TBC1D1: variants seen among roughly 807,000 people sequenced by gnomAD.
The protein encoded by TBC1D1 is TBC1 (tre-2/USP6, BUB2, cdc16) domain family, member 1.
A neutral mutation model predicts 125.6 loss-of-function variants in TBC1D1; 89 were observed. The observed-to-expected ratio is 0.71, with a 90% CI of 0.60 to 0.85. The LOEUF (loss-of-function observed/expected upper bound fraction) is 0.85, where lower values mean the gene tolerates loss of function less well. Ranked by LOEUF, TBC1D1 falls within the 40% of genes least tolerant of loss-of-function variation. The pLI, the probability that TBC1D1 is intolerant of heterozygous loss-of-function variation, is 0.00. For missense variants in TBC1D1, 1,377 were observed against 1,469.2 expected (o/e 0.94, Z 1.03); for synonymous variants, 565 against 564.1 (o/e 1.00, Z -0.02).
chr4:38,119,040 A>T (rs979094075), intron 17 of TBC1D1, among the ~76,000 whole-genome samples: 1 of 152,202 alleles, frequency 6.6e-6, no homozygotes, highest in Non-Finnish European at 1.5e-5. Flanking sequence ...TTGACAATTC[A>T]GGTTCTTTTT....
At chr4:37,978,592 G>C (rs1017292066) in intron 2 of TBC1D1, among the ~76,000 whole-genome samples, 1 of 152,192 alleles carries the variant, frequency 6.6e-6, no homozygotes, top group South Asian at 2.1e-4. Flanking sequence ...ATACAAAATT[G>C]GAGACACAGA....
chr4:37,993,502 A>C (rs755993734), intron 2 of TBC1D1, among the ~76,000 whole-genome samples: 1 of 152,218 alleles, frequency 6.6e-6, no homozygotes, highest in Non-Finnish European at 1.5e-5. Flanking sequence ...TGAGTGGATC[A>C]AAGTTCAGTT....
chr4:38,065,336 G>A (rs901994326), intron 12 of TBC1D1, among the ~76,000 whole-genome samples: 2 of 152,090 alleles, frequency 1.3e-5, no homozygotes, highest in African/African-American at 2.4e-5. Flanking sequence ...ACTGGGTTAC[G>A]CCCCCAAATG....
At chr4:38,044,553 T>C in intron 9 of TBC1D1, 63 bp downstream of exon 9, 1 of 1,494,552 alleles carries the variant, frequency 6.7e-7, no homozygotes, top group Non-Finnish European at 9.0e-7. Flanking sequence ...TAAGATTGAG[T>C]TCTATGCTTT....
intron 2 of TBC1D1, among the ~76,000 whole-genome samples, chr4:37,919,346 T>G (rs2996045): frequency 0.4 from 60,842 of 150,250 alleles, 13,260 homozygotes; most frequent in African/African-American, 0.55. Context: ...TTTTGTTTTT[T>G]TTTTTTTTTG....
Position 38,045,874 on chromosome 4 carries a change from C to T in TBC1D1, c.1600C>T (p.Leu534=), listed in dbSNP as rs970166434. Residue 534 remains leucine, a synonymous_variant, in exon 10 of 20, where the codon CTG becomes TTG. Coordinates refer to ENST00000261439, the MANE Select transcript of TBC1D1 (RefSeq NM_015173.4). ...CATCAGTGTGGATCTGGATAGCTCCCTGTCTAGTACATTAAGTAACACCAG... is the reference window on the plus strand; with the variant it reads ...CATCAGTGTGGATCTGGATAGCTCCTTGTCTAGTACATTAAGTAACACCAG... 18 of 1,614,116 alleles carry T rather than the reference C, an allele frequency of 1.1e-5. No homozygotes were observed. The highest frequency in any genetic ancestry group is 1.5e-5 in the Non-Finnish European group (18 of 1,179,986).
intron 2 of TBC1D1, among the ~76,000 whole-genome samples, chr4:37,957,811 T>G (rs1466433529): frequency 1.3e-5 from 2 of 152,204 alleles, no homozygotes; most frequent in Non-Finnish European, 2.9e-5. Context: ...TTACATTTCC[T>G]GACAAACTAC....
intron 2 of TBC1D1, among the ~76,000 whole-genome samples, chr4:37,972,706 G>C (rs1374225296): frequency 1.3e-5 from 2 of 151,724 alleles, no homozygotes; most frequent in Admixed American, 1.3e-4. Flanking sequence ...AGGAGTTCGA[G>C]ACCAGCCTCA....
intron 8 of TBC1D1, among the ~76,000 whole-genome samples, chr4:38,039,407 G>A (rs576328967): frequency 2.0e-5 from 3 of 152,052 alleles, no homozygotes; most frequent in Non-Finnish European, 2.9e-5. Context: ...GTGAGCCACC[G>A]CGCCTGGCCG....
intron 15 of TBC1D1, among the ~76,000 whole-genome samples, chr4:38,108,947 C>G (rs1200777806): frequency 6.6e-6 from 1 of 152,212 alleles, no homozygotes; most frequent in Non-Finnish European, 1.5e-5. Context: ...CTTCTCCTCT[C>G]CCAGGCGGTG....
At chr4:38,095,691 G>C (rs942037526) in intron 13 of TBC1D1, among the ~76,000 whole-genome samples, 5 of 152,174 alleles carry the variant, frequency 3.3e-5, no homozygotes, top group African/African-American at 1.2e-4. Flanking sequence ...TAGCAGTAGA[G>C]CCAACAGAGT....
intron 12 of TBC1D1, among the ~76,000 whole-genome samples, chr4:38,081,289 G>T (rs181955708): frequency 6.6e-6 from 1 of 152,160 alleles, no homozygotes; most frequent in African/African-American, 2.4e-5. Flanking sequence ...GTCCCTCGGG[G>T]CAGGTGCAGC....
rs138506894 is a variant in TBC1D1 at position 38,023,077 on chromosome 4, C to T, written c.1210+1359C>T. On this transcript the variant is annotated intron_variant, in intron 6 of 19. Coordinates refer to ENST00000261439, the MANE Select transcript of TBC1D1 (RefSeq NM_015173.4). Reference sequence around the variant, plus strand: ...ACGAAATACAAATACATCTCAAATACGTTTCTACTAAATACAAAAATTAGC... The same window carrying T: ...ACGAAATACAAATACATCTCAAATATGTTTCTACTAAATACAAAAATTAGC... Among the ~76,000 whole-genome samples the T allele has an allele frequency of 1.7e-4, 26 of 151,734 alleles. No homozygotes were observed. The East Asian group carries it at 4.7e-3, about 27-fold the overall frequency.
intron 1 of TBC1D1, among the ~76,000 whole-genome samples, chr4:37,900,920 A>C (rs1715831746): frequency 2.6e-5 from 4 of 151,804 alleles, no homozygotes; most frequent in Admixed American, 2.6e-4. Flanking sequence ...AAAAATACAA[A>C]AATTAGCCAG....
rs779232410 is a variant in TBC1D1, at chr4:38,054,255, C to T, written c.1967C>T (p.Thr656Ile). The T allele has an allele frequency of 6.8e-6, 11 of 1,614,184 alleles. No homozygotes were observed. The highest frequency in any genetic ancestry group is 8.5e-6 in the Non-Finnish European group (10 of 1,180,024). ...GATTCTGGTGGGACTCCTGTGAAGACCCGGAGGCATTCCTGGAGGCAGCAG... is the reference window on the plus strand; with the variant it reads ...GATTCTGGTGGGACTCCTGTGAAGATCCGGAGGCATTCCTGGAGGCAGCAG... The change falls in exon 12 of 20, where the codon ACC becomes ATC. Residue 656 changes from threonine (T) to isoleucine (I), a missense_variant. Thr to Ile is a moderately conservative substitution (Grantham distance 89, BLOSUM62 -1). Around this residue, in one of 3 missense-constraint regions of TBC1D1, gnomAD observed 12 missense variants for 31.1 expected, o/e 0.39. Coordinates refer to ENST00000261439, the MANE Select transcript of TBC1D1 (RefSeq NM_015173.4).
At chr4:38,051,313 T>C (rs1332627944) in intron 11 of TBC1D1, among the ~76,000 whole-genome samples, 2 of 152,210 alleles carry the variant, frequency 1.3e-5, no homozygotes, top group Non-Finnish European at 2.9e-5. Flanking sequence ...CCTTGTGAGC[T>C]CTTTTCCGAT....
chr4:38,049,625 C>T lies in TBC1D1; in HGVS notation c.1637C>T (p.Ser546Phe), dbSNP rs1316966564. ...CTGTGTGTTTGCTCCCAGGAGCCAT[C>T]TGTGTGTGAAAAGGAGGCCTTGCCC... The change falls in exon 11 of 20, where the codon TCT becomes TTT. Residue 546 changes from serine to phenylalanine, a missense_variant. By Grantham distance (155) the Ser-to-Phe change is radical. This residue lies in a region of TBC1D1 where 822 missense variants were observed against 824.6 expected (regional missense o/e 1.00). Coordinates refer to ENST00000261439, the MANE Select transcript of TBC1D1 (RefSeq NM_015173.4). The T allele has an allele frequency of 1.1e-5, 18 of 1,605,830 alleles. No homozygotes were observed. Among genetic ancestry groups the T allele is most frequent in the Non-Finnish European group, 1.5e-5 (18 of 1,174,634 alleles).
chr4:37,949,819 G>T (rs1030442746), intron 2 of TBC1D1, among the ~76,000 whole-genome samples: 1 of 152,074 alleles, frequency 6.6e-6, no homozygotes, highest in Non-Finnish European at 1.5e-5. Context: ...GAATGGGCTT[G>T]GCTATGTTCC....
rs547789483 is a variant in TBC1D1, at chr4:38,085,734, C to T, written c.2051-4198C>T. On this transcript the variant is annotated intron_variant, in intron 12 of 19. Transcript: ENST00000261439. ...AGAGTAGAAACCTCAGAGTAGCCCT[C>T]CTTAGACCACCTAACGCATTGCATC... Among the ~76,000 whole-genome samples the T allele has an allele frequency of 1.5e-3, 228 of 152,286 alleles. 2 individuals are homozygous for T. Among genetic ancestry groups the T allele is most frequent in the South Asian group, 3.7e-3 (18 of 4,830 alleles).
Sources: gnomAD v4.1 joint callset for allele counts (sites outside exome capture counted in the v4.1 genomes callset) on GRCh38, gnomAD v4.1.1 for gene constraint, gnomAD v4.1.1 regional missense constraint, MANE v1.5 for transcripts, NCBI Gene and HGNC (gene_info 2026-07-23, HGNC 2026-07-21) for gene names.